Variants in TSPAN5 observed in about 807,000 individuals in gnomAD.
TSPAN5 encodes tetraspanin-5.
TSPAN5 carries 10 observed loss-of-function variants against 37.1 expected under a neutral mutation model. The observed-to-expected ratio is 0.27, with a 90% confidence interval of 0.17 to 0.46. The LOEUF is 0.46. Ranked by LOEUF, TSPAN5 falls within the 20% of genes least tolerant of loss-of-function variation. The pLI, the probability that TSPAN5 is intolerant of heterozygous loss-of-function variation, is 1.00. For missense variants in TSPAN5, 195 were observed against 326.6 expected (o/e 0.60, Z 3.11); for synonymous variants, 110 against 118.9 (o/e 0.93, Z 0.48).
intron 1 of TSPAN5, among the ~76,000 whole-genome samples, chr4:98,648,350 A>AT (rs1290122360): frequency 6.6e-5 from 10 of 152,048 alleles, no homozygotes; most frequent in Middle Eastern, 3.4e-3. Flanking sequence ...GGGGAGGCTG[A>AT]TTTTTTTTGA....
At chr4:98,589,919 A>C (rs927844598) in intron 1 of TSPAN5, among the ~76,000 whole-genome samples, 2 of 152,152 alleles carry the variant, frequency 1.3e-5, no homozygotes, top group Admixed American at 6.5e-5. Flanking sequence ...AGTTATTTCA[A>C]TAGCACTTCT....
At chr4:98,630,057 G>C (rs1360198327) in intron 1 of TSPAN5, among the ~76,000 whole-genome samples, 1 of 152,138 alleles carries the variant, frequency 6.6e-6, no homozygotes, top group African/African-American at 2.4e-5. Flanking sequence ...ACTGCATTTG[G>C]TGTGGTCAGA....
chr4:98,611,617 A>C (rs1351929436), intron 1 of TSPAN5, among the ~76,000 whole-genome samples: 1 of 152,222 alleles, frequency 6.6e-6, no homozygotes, highest in African/African-American at 2.4e-5. Flanking sequence ...AACTAATAAC[A>C]CACCAGGGGA....
In TSPAN5 at chr4:98,491,173, G is replaced by C. The variant is rs1753077784; in HGVS notation, c.133-4289C>G. ...GTTAGCATGTGCATTACCTCACATA[G>C]TTATCATTTTTGTGGTGAGAACACT... On this transcript the variant is annotated intron_variant, in intron 2 of 7. Transcript: ENST00000305798. Among the ~76,000 whole-genome samples, 4 of 152,182 alleles carry C rather than the reference G, an allele frequency of 2.6e-5. No homozygotes were observed. The South Asian group carries it at 6.2e-4, about 24-fold the overall frequency.
intron 1 of TSPAN5, among the ~76,000 whole-genome samples, chr4:98,514,020 A>G (rs563916435): frequency 1.1e-4 from 16 of 152,322 alleles, no homozygotes; most frequent in African/African-American, 3.6e-4. Flanking sequence ...AACAGACTCA[A>G]AATAACAGCA....
chr4:98,605,598 T>C (rs1326576263), intron 1 of TSPAN5, among the ~76,000 whole-genome samples: 1 of 152,214 alleles, frequency 6.6e-6, no homozygotes, highest in Non-Finnish European at 1.5e-5. Flanking sequence ...TGAAGTTCAC[T>C]TATAAGACTA....
chr4:98,625,545 A>G (rs141086249), intron 1 of TSPAN5, among the ~76,000 whole-genome samples: 58 of 152,336 alleles, frequency 3.8e-4, no homozygotes, highest in East Asian at 1.7e-3. Flanking sequence ...TGCCCTTTAC[A>G]TATTTCCAGG....
intron 1 of TSPAN5, among the ~76,000 whole-genome samples, chr4:98,609,630 C>T (rs935320127): frequency 1.3e-5 from 2 of 152,182 alleles, no homozygotes; most frequent in Non-Finnish European, 2.9e-5. Context: ...CTACTCTGAG[C>T]AAGCTTTCCT....
Position 98,567,167 on chromosome 4 carries a change from C to G in TSPAN5, c.82-59439G>C, listed in dbSNP as rs1343146286. Among the ~76,000 whole-genome samples, 3 of 152,186 alleles carry G rather than the reference C, an allele frequency of 2.0e-5. No homozygotes were observed. In the East Asian group the frequency reaches 5.8e-4, roughly 29 times the overall value. ...TCAACAGACTGGATCTTCTCGTAACCTGTTGGGCCTATGAGGACGCAGAAG... is the reference window on the plus strand; with the variant it reads ...TCAACAGACTGGATCTTCTCGTAACGTGTTGGGCCTATGAGGACGCAGAAG... On this transcript the variant is annotated intron_variant, in intron 1 of 7. Transcript: ENST00000305798.
At chr4:98,637,663 T>A (rs1756885369) in intron 1 of TSPAN5, among the ~76,000 whole-genome samples, 1 of 152,280 alleles carries the variant, frequency 6.6e-6, no homozygotes, top group African/African-American at 2.4e-5. Context: ...TGTTGCAGTT[T>A]ACAAGTAAAT....
intron 1 of TSPAN5, among the ~76,000 whole-genome samples, chr4:98,615,633 CA>C: frequency 6.6e-6 from 1 of 152,290 alleles, no homozygotes; most frequent in East Asian, 1.9e-4. Context: ...CCAGCCTGGC[CA>C]ACGTGGCGAA....
chr4:98,510,965 T>G (rs907259065), intron 1 of TSPAN5, among the ~76,000 whole-genome samples: 7 of 152,180 alleles, frequency 4.6e-5, no homozygotes, highest in African/African-American at 1.7e-4. Context: ...CATGCAATAC[T>G]TGAGGCACAT....
At chr4:98,634,171 C>G (rs1169423370) in intron 1 of TSPAN5, among the ~76,000 whole-genome samples, 1 of 152,142 alleles carries the variant, frequency 6.6e-6, no homozygotes, top group African/African-American at 2.4e-5. Flanking sequence ...CTCCATTTCA[C>G]AAAGCACTGA....
chr4:98,637,033 A>T (rs947427066), intron 1 of TSPAN5, among the ~76,000 whole-genome samples: 5 of 152,084 alleles, frequency 3.3e-5, no homozygotes, highest in African/African-American at 1.2e-4. Context: ...CTTGGTAGGG[A>T]GCTTCCCAGC....
intron 1 of TSPAN5, among the ~76,000 whole-genome samples, chr4:98,529,430 T>A (rs1046485315): frequency 1.3e-5 from 2 of 152,234 alleles, no homozygotes; most frequent in Non-Finnish European, 2.9e-5. Flanking sequence ...TATATCCTCG[T>A]CATTAATAAA....
At chr4:98,487,238 G>GAAAAAAAA (rs11318498) in intron 2 of TSPAN5, among the ~76,000 whole-genome samples, 1 of 130,406 alleles carries the variant, frequency 7.7e-6, no homozygotes, top group African/African-American at 2.9e-5. Flanking sequence ...TATATGTAGA[G>GAAAAAAAA]AAAAAAAAAA....
intron 1 of TSPAN5, among the ~76,000 whole-genome samples, chr4:98,657,001 C>A (rs947139517): frequency 6.6e-6 from 1 of 152,180 alleles, no homozygotes; most frequent in Admixed American, 6.5e-5. Flanking sequence ...TTACCTCACA[C>A]TGAACAGCAA....
intron 1 of TSPAN5, among the ~76,000 whole-genome samples, chr4:98,634,720 T>C (rs930113723): frequency 6.6e-6 from 1 of 152,202 alleles, no homozygotes; most frequent in Non-Finnish European, 1.5e-5. Flanking sequence ...AGGAAGGATC[T>C]GAGAAACGAT....
At chr4:98,570,865 G>A (rs948099563) in intron 1 of TSPAN5, among the ~76,000 whole-genome samples, 23 of 152,102 alleles carry the variant, frequency 1.5e-4, no homozygotes, top group Middle Eastern at 3.4e-3. Flanking sequence ...AACTGGCTCT[G>A]AGCAACGCGT....
Sources: allele counts gnomAD v4.1 joint callset (sites outside exome capture counted in the v4.1 genomes callset), GRCh38; gene constraint gnomAD v4.1.1; transcripts MANE v1.5; gene names NCBI Gene and HGNC (gene_info 2026-07-23, HGNC 2026-07-21).